ZNF398: variants seen among roughly 807,000 people sequenced by gnomAD.
ZNF398 encodes zinc finger protein 398, also known as zinc finger DNA binding protein ZER6.
A neutral mutation model predicts 41.9 loss-of-function variants in ZNF398; 18 were observed. The ratio of observed to expected loss-of-function variants is 0.43; its 90% CI spans 0.30 to 0.64. The LOEUF (loss-of-function observed/expected upper bound fraction) is 0.64. ZNF398 is among the 30% of genes least tolerant of loss of function. ZNF398 has a pLI of 0.14. For missense variants in ZNF398, 669 were observed against 822.8 expected, an observed-to-expected ratio of 0.81 and a Z score of 2.29; for synonymous variants, 260 against 308.8, an observed-to-expected ratio of 0.84 and a Z score of 1.66.
chr7:149,127,826 C>T (rs1826518279), intron 1 of ZNF398, among the ~76,000 whole-genome samples: 1 of 151,812 alleles, frequency 6.6e-6, no homozygotes, highest in African/African-American at 2.4e-5. Flanking sequence ...AACCAGGATA[C>T]GGAAGAGCCC....
rs1309435346 is a variant in ZNF398, at chr7:149,154,128, C to T, written c.208C>T (p.Arg70Trp). Residue 70 changes from arginine to tryptophan, a missense_variant, in exon 2 of 6, where the codon CGG becomes TGG. Transcript: ENST00000475153. ...HSRRLLHLEGRTGTAEKKLAS... is the reference protein window; with the variant it reads ...HSRRLLHLEGWTGTAEKKLAS... ...CCGGCGACTCCTACACCTGGAAGGT[C>T]GGACAGGGACAGCAGAGAAGAAACT... is the stretch of plus-strand genomic sequence containing the variant. 14 of 1,614,010 alleles carry T rather than the reference C, an allele frequency of 8.7e-6. No homozygotes were observed. The highest frequency in any genetic ancestry group is 1.1e-5 in the Non-Finnish European group (13 of 1,180,032).
chr7:149,142,536 A>G (rs887291032), upstream of ZNF398, among the ~76,000 whole-genome samples: 14 of 152,260 alleles, frequency 9.2e-5, no homozygotes, highest in African/African-American at 2.6e-4. Flanking sequence ...GCGTGGTGGC[A>G]GGCACCTGTA....
chr7:149,144,024 A>T (rs1236234667), upstream of ZNF398, among the ~76,000 whole-genome samples: 2 of 152,338 alleles, frequency 1.3e-5, no homozygotes, highest in Non-Finnish European at 2.9e-5. Flanking sequence ...AGTACACAAA[A>T]AGCTTCAGTC....
At chr7:149,168,928 T>G (rs1795277547) in intron 4 of ZNF398, among the ~76,000 whole-genome samples, 1 of 152,170 alleles carries the variant, frequency 6.6e-6, no homozygotes, top group Admixed American at 6.6e-5. Flanking sequence ...AATCTTTATA[T>G]CACAGATATA....
chr7:149,137,292 T>C (rs1826735474), intron 2 of ZNF398, among the ~76,000 whole-genome samples: 2 of 152,208 alleles, frequency 1.3e-5, no homozygotes, highest in Non-Finnish European at 2.9e-5. Context: ...TCATGATTAC[T>C]GTAGCTTTGG....
chr7:149,156,374 G>A (rs1291801138), intron 2 of ZNF398, among the ~76,000 whole-genome samples: 2 of 151,540 alleles, frequency 1.3e-5, no homozygotes, highest in African/African-American at 2.4e-5. Flanking sequence ...GAGCGTGGTG[G>A]TGGGCACCTG....
chr7:149,170,859 T>C (rs998863292), intron 4 of ZNF398, among the ~76,000 whole-genome samples: 1 of 152,038 alleles, frequency 6.6e-6, no homozygotes, highest in African/African-American at 2.4e-5. Flanking sequence ...TACTAGGCTG[T>C]AGACTTTATA....
At chr7:149,170,869 A>G (rs903042783) in intron 4 of ZNF398, among the ~76,000 whole-genome samples, 24 of 152,194 alleles carry the variant, frequency 1.6e-4, no homozygotes, top group African/African-American at 5.3e-4. Flanking sequence ...TAGACTTTAT[A>G]AACACTGTAT....
chr7:149,132,219 G>C, intron 2 of ZNF398, among the ~76,000 whole-genome samples: 1 of 129,062 alleles, frequency 7.7e-6, no homozygotes, highest in African/African-American at 3.0e-5. Context: ...TTTTGAGACA[G>C]AGTCTTGCTC....
rs146764677 is a variant in ZNF398, at chr7:149,179,521, G to A, written c.1649G>A (p.Arg550His). Residue 550 changes from arginine (R) to histidine (H), a missense_variant, in exon 6 of 6, where the codon CGC becomes CAC. Transcript: ENST00000475153. This position sits in a 1 kb window ranked among gnomAD's most constrained non-coding sequence, Gnocchi z 6.1. Reference sequence around the variant, plus strand: ...CCTCACTGTGGCAAGAGCTTCATCCGCAAGCACCACCTAATGAAACACCAG... The same window carrying A: ...CCTCACTGTGGCAAGAGCTTCATCCACAAGCACCACCTAATGAAACACCAG... ...SCPHCGKSFI[R>H]KHHLMKHQRI... is the part of the protein sequence containing the mutation. 6.2e-7 allele frequency: 1 copy of A among 1,614,190 alleles called. No homozygotes were observed. The highest frequency in any genetic ancestry group is 8.5e-7 in the Non-Finnish European group (1 of 1,180,032).
At chr7:149,172,517 A>G (rs1250309760) in intron 4 of ZNF398, among the ~76,000 whole-genome samples, 2 of 152,226 alleles carry the variant, frequency 1.3e-5, no homozygotes, top group Non-Finnish European at 1.5e-5. Flanking sequence ...ATTCAGATGT[A>G]TCAGAGAAGC....
chr7:149,162,084 A>C (rs778183635), intron 2 of ZNF398, among the ~76,000 whole-genome samples: 2 of 152,152 alleles, frequency 1.3e-5, no homozygotes, highest in Non-Finnish European at 2.9e-5. Flanking sequence ...GCTGGAGTGC[A>C]GTGGTGCTAT....
chr7:149,152,839 G>C (rs909202478), intron 1 of ZNF398, among the ~76,000 whole-genome samples: 2 of 150,608 alleles, frequency 1.3e-5, no homozygotes, highest in Non-Finnish European at 2.9e-5. Flanking sequence ...ACAGGTGTGA[G>C]CCACCCACCG....
At position 149,169,026 on chromosome 7, in the gene ZNF398, A is replaced by G. The variant is rs116120000; in HGVS notation, c.661+2096A>G. Reference sequence around the variant, plus strand: ...TATTGGGTATATTTCTTTGGTCTACATTATTAGTTATCTGTCATAGACCTC... The same window carrying G: ...TATTGGGTATATTTCTTTGGTCTACGTTATTAGTTATCTGTCATAGACCTC... On this transcript the variant is annotated intron_variant, in intron 4 of 5. Coordinates refer to ENST00000475153, the MANE Select transcript of ZNF398 (RefSeq NM_170686.3). 9.7e-3 allele frequency among the ~76,000 whole-genome samples: 1,478 copies of G among 152,348 alleles called. 29 individuals are homozygous for G. Among genetic ancestry groups the G allele is most frequent in the African/African-American group, 0.033 (1,386 of 41,580 alleles).
At chr7:149,143,311 C>T (rs918889619), upstream of ZNF398, among the ~76,000 whole-genome samples, 2 of 152,084 alleles carry the variant, frequency 1.3e-5, no homozygotes, top group African/African-American at 2.4e-5. Flanking sequence ...ACCAATGTAG[C>T]AAGATTTACC....
rs1355532476 is a variant in ZNF398, at chr7:149,180,977, A to C, written c.*1176A>C. On this transcript the variant is annotated 3_prime_UTR_variant, in exon 6 of 6. Coordinates refer to ENST00000475153, the MANE Select transcript of ZNF398 (RefSeq NM_170686.3). ...GAGCTAAGCACCATGCATAGACAAC[A>C]GTTTGTTCTTGCCTGTGTTGCTTTT... 1 of 152,614 alleles carries C rather than the reference A, an allele frequency of 6.6e-6. No individual in the cohort carries two copies. The highest frequency in any genetic ancestry group is 1.5e-5 in the Non-Finnish European group (1 of 68,050). 9.5% of individuals were successfully genotyped at this position (152,614 alleles called of 1,614,324 possible). A position where few individuals can be genotyped will look rare whatever the true frequency, so the allele number is the denominator to read the frequency against.
rs1379496258 is a variant in ZNF398, at chr7:149,154,025, C to T, written c.105C>T (p.His35=). 3.1e-6 allele frequency: 5 copies of T among 1,614,076 alleles called. No homozygotes were observed. The highest frequency in any genetic ancestry group is 1.3e-5 in the African/African-American group (1 of 74,916). ...CACCCCCAGCAGCAAATGAGGCACA[C>T]CTGCAGACAGCAGCTATCTCTCTGT... is the stretch of plus-strand genomic sequence containing the variant. ...LPTPPAANEA[H]LQTAAISLWT... is the part of the protein sequence containing the mutation. Residue 35 remains histidine (H), a synonymous_variant, in exon 2 of 6, where the codon CAC becomes CAT. Transcript: ENST00000475153.
intron 2 of ZNF398, among the ~76,000 whole-genome samples, chr7:149,140,226 G>A (rs138669993): frequency 1.3e-5 from 2 of 152,056 alleles, no homozygotes; most frequent in African/African-American, 2.4e-5. Flanking sequence ...TATTTAGAGC[G>A]TGTTATCTAG....
At position 149,166,148 on chromosome 7, in the gene ZNF398, G is replaced by A; in HGVS notation, c.421-10G>A. 2.5e-6 allele frequency: 4 copies of A among 1,612,946 alleles called. No homozygotes were observed. The South Asian group carries it at 4.4e-5, about 18-fold the overall frequency. Reference sequence around the variant, plus strand: ...ATGGAAGGGACTAACCCATGTGATTGTAATTTTAGGTGCCTGTGGCATTTG... The same window carrying A: ...ATGGAAGGGACTAACCCATGTGATTATAATTTTAGGTGCCTGTGGCATTTG... On this transcript the variant is annotated splice_polypyrimidine_tract_variant and intron_variant, in intron 2 of 5. Coordinates refer to ENST00000475153, the MANE Select transcript of ZNF398 (RefSeq NM_170686.3).
Sources: gnomAD v4.1 joint callset for allele counts (sites outside exome capture counted in the v4.1 genomes callset) on GRCh38, gnomAD v4.1.1 for gene constraint, Gnocchi (gnomAD v3.1) non-coding constraint, MANE v1.5 for transcripts, NCBI Gene and HGNC (gene_info 2026-07-23, HGNC 2026-07-21) for gene names.